NECTIN1: variants seen among roughly 807,000 people sequenced by gnomAD.
NECTIN1 encodes the protein nectin-1.
NECTIN1 carries 23 observed loss-of-function variants against 48.0 expected under a neutral mutation model. The observed-to-expected ratio is 0.48, with a 90% confidence interval of 0.34 to 0.68. NECTIN1 has a LOEUF of 0.68. NECTIN1 is among the 30% of genes least tolerant of loss of function. NECTIN1 has a pLI of 0.01. For missense variants in NECTIN1, 591 were observed against 709.9 expected, an observed-to-expected ratio of 0.83 and a Z score of 1.90; for synonymous variants, 270 against 288.9, an observed-to-expected ratio of 0.93 and a Z score of 0.66.
rs1450766773 is a variant in NECTIN1 at position 119,727,320 on chromosome 11, G to A, written c.79+1155C>T. ...TAATATTCCTGCCCCACGAGGAGAT[G>A]GTCTCTGTACACTGACCCCCTATTC... On this transcript the variant is annotated intron_variant, in intron 1 of 5. Transcript: ENST00000264025. The surrounding 1 kb of genome is among the most constrained non-coding windows in gnomAD (Gnocchi z 4.1). Among the ~76,000 whole-genome samples the A allele has an allele frequency of 6.6e-6, 1 of 152,160 alleles. No homozygotes were observed. The highest frequency in any genetic ancestry group is 1.5e-5 in the Non-Finnish European group (1 of 68,028).
chr11:119,676,697 G>A (rs1429230035), intron 4 of NECTIN1: 1 of 285,872 alleles, frequency 3.5e-6, no homozygotes, highest in East Asian at 8.6e-5. Context: ...CCAGAGAGAA[G>A]GAATAGGGAC....
At chr11:119,723,873 AGACCTGGTCTCTGTG>A (rs563468035) in intron 1 of NECTIN1, among the ~76,000 whole-genome samples, 1 of 152,252 alleles carries the variant, frequency 6.6e-6, no homozygotes, top group East Asian at 1.9e-4. Flanking sequence ...CTGGCTCTGC[AGACCTGGTCTCTGTG>A]GACAGCGGTG....
chr11:119,641,077 C>T (rs535298264), intron 5 of NECTIN1: 1 of 148,512 alleles, frequency 6.7e-6, no homozygotes, highest in South Asian at 2.1e-4. Flanking sequence ...TCTCTCTCCC[C>T]TTCTCTCTGC....
chr11:119,723,713 A>G (rs896102143), intron 1 of NECTIN1, among the ~76,000 whole-genome samples: 2 of 152,126 alleles, frequency 1.3e-5, no homozygotes, highest in African/African-American at 4.8e-5. Context: ...CCCTTTCTCC[A>G]TCTCCTAGCC....
intron 1 of NECTIN1, among the ~76,000 whole-genome samples, chr11:119,701,834 G>T (rs1325918263): frequency 1.3e-5 from 2 of 152,188 alleles, no homozygotes; most frequent in African/African-American, 4.8e-5. Flanking sequence ...GACAGGGGCA[G>T]CCCAAATCCA....
intron 1 of NECTIN1, among the ~76,000 whole-genome samples, chr11:119,693,591 G>C (rs937609020): frequency 1.3e-5 from 2 of 152,144 alleles, no homozygotes; most frequent in Non-Finnish European, 2.9e-5. Flanking sequence ...ATGAAGCCCA[G>C]GAAGTGGCAG....
rs963530966 is a variant in NECTIN1 at position 119,661,322 on chromosome 11, C to A, written c.*3425G>T. 3 of 986,170 alleles carry A rather than the reference C, an allele frequency of 3.0e-6. No individual in the cohort carries two copies. The highest frequency in any genetic ancestry group is 3.6e-6 in the Non-Finnish European group (3 of 830,150). The allele number at this position is 986,170 out of a possible 1,614,324, so 61.1% of individuals were successfully genotyped here. The stretch of plus-strand genomic sequence containing the variant: ...GCAGCAGCACCGAGTGGGACAGGGG[C>A]TCCTCCTGGCCTCACAAGCTGGGCA... On this transcript the variant is annotated 3_prime_UTR_variant, in exon 6 of 6. Transcript: ENST00000264025.
At chr11:119,639,979 G>A in exon 6 of NECTIN1, 1 of 1,613,892 alleles carries the variant, frequency 6.2e-7, no homozygotes, top group South Asian at 1.1e-5. Context: ...GAGCCTGGCT[G>A]CACTTCCCAG....
At chr11:119,676,720 G>C (rs1230776876) in intron 4 of NECTIN1, 1 of 333,084 alleles carries the variant, frequency 3.0e-6, no homozygotes, top group Non-Finnish European at 5.8e-6. Context: ...AGAAAGAGCT[G>C]AGATGCTCCA....
intron 1 of NECTIN1, among the ~76,000 whole-genome samples, chr11:119,703,848 C>T (rs11217414): frequency 0.61 from 92,523 of 152,080 alleles, 28,534 homozygotes; most frequent in South Asian, 0.67. Context: ...ATGAGATGCG[C>T]GGCTCAGCCT....
chr11:119,638,270 C>T, intron 7 of NECTIN1: 1 of 1,613,486 alleles, frequency 6.2e-7, no homozygotes, highest in Non-Finnish European at 8.5e-7. Context: ...GCGGTGAGTG[C>T]TGCACAGACC....
intron 1 of NECTIN1, among the ~76,000 whole-genome samples, chr11:119,706,919 G>A (rs1865557330): frequency 6.6e-6 from 1 of 152,170 alleles, no homozygotes; most frequent in South Asian, 2.1e-4. Context: ...GTTGGTGTAG[G>A]GCATCCAAGG....
chr11:119,719,411 C>T (rs982784453), intron 1 of NECTIN1, among the ~76,000 whole-genome samples: 6 of 152,216 alleles, frequency 3.9e-5, no homozygotes, highest in East Asian at 1.9e-4. Flanking sequence ...TAAACACGGA[C>T]ATGGGGCCTG....
intron 1 of NECTIN1, among the ~76,000 whole-genome samples, chr11:119,719,337 A>C: frequency 6.6e-6 from 1 of 152,108 alleles, no homozygotes; most frequent in East Asian, 1.9e-4. Flanking sequence ...AGGCTTAGGA[A>C]ATGGTCTTCC....
chr11:119,680,953 G>A lies in NECTIN1; in HGVS notation c.80-2188C>T, dbSNP rs1028555334. Reference sequence around the variant, plus strand: ...TCTGCCTTTAGCAGGCAGTGGGACCGTGGCCAGTCACCTCCCCTTTCTGAG... The same window carrying A: ...TCTGCCTTTAGCAGGCAGTGGGACCATGGCCAGTCACCTCCCCTTTCTGAG... On this transcript the variant is annotated intron_variant, in intron 1 of 5. Transcript: ENST00000264025. 3.9e-5 allele frequency among the ~76,000 whole-genome samples: 6 copies of A among 152,224 alleles called. No homozygotes were observed. The East Asian group carries it at 9.6e-4, about 24-fold the overall frequency.
At chr11:119,674,864 G>A (rs1324037074) in intron 5 of NECTIN1, among the ~76,000 whole-genome samples, 1 of 152,108 alleles carries the variant, frequency 6.6e-6, no homozygotes, top group East Asian at 1.9e-4. Context: ...GCAGATCTAC[G>A]GGCAGGTTCT....
downstream of NECTIN1, among the ~76,000 whole-genome samples, chr11:119,656,043 G>A (rs1261826831): frequency 2.0e-5 from 3 of 151,508 alleles, no homozygotes; most frequent in African/African-American, 7.3e-5. Flanking sequence ...GACCACAGGT[G>A]TTCACCACAC....
At position 119,662,934 on chromosome 11, in the gene NECTIN1, G is replaced by A; in HGVS notation, c.*1813C>T. 1 of 985,244 alleles carries A rather than the reference G, an allele frequency of 1.0e-6. No individual in the cohort carries two copies. Among genetic ancestry groups the A allele is most frequent in the Non-Finnish European group, 1.2e-6 (1 of 829,834 alleles). The allele number at this position is 985,244 out of a possible 1,614,324, so 61.0% of individuals were successfully genotyped here. On this transcript the variant is annotated 3_prime_UTR_variant, in exon 6 of 6. Transcript: ENST00000264025. The surrounding 1 kb of genome is among the most constrained non-coding windows in gnomAD (Gnocchi z 5.3). The stretch of plus-strand genomic sequence containing the variant: ...CCTGGGCTGGGGCCAGGGCAGTGAG[G>A]GCCAGACAACGACGACCCACCTGCT...
At chr11:119,706,075 C>T (rs954675367) in intron 1 of NECTIN1, among the ~76,000 whole-genome samples, 1 of 152,184 alleles carries the variant, frequency 6.6e-6, no homozygotes, top group Non-Finnish European at 1.5e-5. Context: ...AAATAAAGCC[C>T]TCAGCTGCAG....
Sources: allele counts gnomAD v4.1 joint callset (sites outside exome capture counted in the v4.1 genomes callset), GRCh38; gene constraint gnomAD v4.1.1; non-coding constraint Gnocchi (gnomAD v3.1); transcripts MANE v1.5; gene names NCBI Gene and HGNC (gene_info 2026-07-23, HGNC 2026-07-21).